KALRN: variants seen among roughly 807,000 people sequenced by gnomAD.
KALRN encodes kalirin RhoGEF kinase, also known as kalirin.
Under a neutral mutation model 353.7 loss-of-function variants are expected in KALRN, and 70 were observed. The observed-to-expected ratio is 0.20, with a 90% CI of 0.16 to 0.24. KALRN has a LOEUF of 0.24. KALRN is among the 10% of genes least tolerant of loss of function. The probability of loss-of-function intolerance (pLI) is 1.00; values close to 1 mark genes in which losing one functional copy is unlikely to be tolerated. For synonymous variants in KALRN, 1,391 were observed against 1,434.8 expected (o/e 0.97, Z 0.69); for missense variants, 2,791 against 3,756.7 (o/e 0.74, Z 6.72).
intron 1 of KALRN, among the ~76,000 whole-genome samples, chr3:124,105,836 G>C (rs1017381532): frequency 6.6e-6 from 1 of 152,184 alleles, no homozygotes; most frequent in Non-Finnish European, 1.5e-5. Context: ...TGATGATTTT[G>C]TTCAAGGAGG....
chr3:124,361,004 A>G (rs1363640838), intron 10 of KALRN, among the ~76,000 whole-genome samples: 2 of 152,262 alleles, frequency 1.3e-5, no homozygotes, highest in Admixed American at 1.3e-4. Context: ...GATAATAACT[A>G]TCATTTATTG....
At chr3:124,623,427 C>CACA (rs139583497) in intron 34 of KALRN, among the ~76,000 whole-genome samples, 9 of 147,016 alleles carry the variant, frequency 6.1e-5, no homozygotes, top group Non-Finnish European at 1.2e-4. Flanking sequence ...CACACACACA[C>CACA]AAAAGGGAGT....
At chr3:124,329,775 C>T (rs1227604415) in intron 7 of KALRN, 86 bp from the exon 8 acceptor site, 3 of 1,467,844 alleles carry the variant, frequency 2.0e-6, no homozygotes, top group East Asian at 2.3e-5. Flanking sequence ...ATGTTTCTTC[C>T]CAAGGTATCT....
intron 47 of KALRN, among the ~76,000 whole-genome samples, chr3:124,669,202 C>T (rs1321628784): frequency 1.3e-5 from 2 of 152,180 alleles, no homozygotes; most frequent in African/African-American, 4.8e-5. Context: ...CTTGAATCCA[C>T]AGCTATAGGA....
intron 27 of KALRN, among the ~76,000 whole-genome samples, chr3:124,479,716 A>ATTT (rs142639039): frequency 3.5e-5 from 3 of 86,798 alleles, no homozygotes; most frequent in African/African-American, 8.4e-5. Context: ...ACGATCCAGA[A>ATTT]TTTTTTTTTT....
chr3:124,485,743 G>C (rs1215328272), intron 28 of KALRN, among the ~76,000 whole-genome samples: 1 of 152,136 alleles, frequency 6.6e-6, no homozygotes, highest in Admixed American at 6.6e-5. Flanking sequence ...GCCCAGTCGT[G>C]GTGGCGTGCA....
chr3:124,713,241 T>C (rs1579077504), intron 58 of KALRN, 106 bp downstream of exon 58: 3 of 912,028 alleles, frequency 3.3e-6, no homozygotes, highest in Non-Finnish European at 5.0e-6. Context: ...GTCCTATCAT[T>C]TGCAAAGTGC....
At chr3:124,576,312 C>T (rs1436038923) in intron 34 of KALRN, among the ~76,000 whole-genome samples, 1 of 152,056 alleles carries the variant, frequency 6.6e-6, no homozygotes, top group Non-Finnish European at 1.5e-5. Flanking sequence ...GCCCTATCCC[C>T]AGCATCTAAA....
intron 6 of KALRN, among the ~76,000 whole-genome samples, chr3:124,321,236 T>C (rs557247592): frequency 1.3e-5 from 2 of 152,320 alleles, no homozygotes; most frequent in South Asian, 2.1e-4. Context: ...CACCTCAGCT[T>C]TTAGGAGTGA....
At chr3:124,695,320 A>T (rs1028581948) in intron 53 of KALRN, among the ~76,000 whole-genome samples, 1 of 152,232 alleles carries the variant, frequency 6.6e-6, no homozygotes, top group African/African-American at 2.4e-5. Context: ...GATGCTTGAG[A>T]AACATTAGTG....
intron 1 of KALRN, among the ~76,000 whole-genome samples, chr3:124,140,232 C>T (rs2149781165): frequency 6.6e-6 from 1 of 152,314 alleles, no homozygotes; most frequent in Non-Finnish European, 1.5e-5. Flanking sequence ...CTCCCCCAGG[C>T]ATCTGATAAA....
chr3:124,120,608 A>T (rs1419417501), intron 1 of KALRN, among the ~76,000 whole-genome samples: 1 of 151,760 alleles, frequency 6.6e-6, no homozygotes, highest in Non-Finnish European at 1.5e-5. Context: ...ACTGAGAATG[A>T]GCCATGTGCC....
At chr3:124,672,810 G>C (rs992989881) in intron 48 of KALRN, among the ~76,000 whole-genome samples, 3 of 152,144 alleles carry the variant, frequency 2.0e-5, no homozygotes, top group Admixed American at 2.0e-4. Context: ...AACCTTAGCC[G>C]AGTTAGTTAA....
chr3:124,711,208 G>A (rs561449438), intron 57 of KALRN, among the ~76,000 whole-genome samples: 46 of 151,976 alleles, frequency 3.0e-4, no homozygotes, highest in Non-Finnish European at 5.4e-4. Flanking sequence ...TTTTTAAAGC[G>A]AAAGGATCTC....
At chr3:124,280,640 A>G (rs1267446452) in intron 5 of KALRN, among the ~76,000 whole-genome samples, 1 of 152,140 alleles carries the variant, frequency 6.6e-6, no homozygotes, top group Non-Finnish European at 1.5e-5. Flanking sequence ...TAGGTGCACT[A>G]GTTTTTGTAG....
chr3:124,190,052 A>T (rs1340040758), intron 1 of KALRN, among the ~76,000 whole-genome samples: 1 of 152,156 alleles, frequency 6.6e-6, no homozygotes, highest in Non-Finnish European at 1.5e-5. Flanking sequence ...CATTTTCTGT[A>T]TATAGGCACT....
At chr3:124,273,626 T>C (rs2074393032) in intron 5 of KALRN, among the ~76,000 whole-genome samples, 1 of 152,228 alleles carries the variant, frequency 6.6e-6, no homozygotes, top group Non-Finnish European at 1.5e-5. Context: ...CTCTTACTTA[T>C]TAAATGCTTT....
At chr3:124,402,701 T>C (rs1470818999) in intron 13 of KALRN, among the ~76,000 whole-genome samples, 1 of 152,220 alleles carries the variant, frequency 6.6e-6, no homozygotes, top group Non-Finnish European at 1.5e-5. Context: ...ATTTTTAAGT[T>C]ATAAAAACGT....
At chr3:124,268,659 A>G in intron 4 of KALRN, 84 bp from the exon 5 acceptor site, 2 of 1,406,092 alleles carry the variant, frequency 1.4e-6, no homozygotes, top group South Asian at 1.3e-5. Context: ...ATGTGGATTT[A>G]TCTTGTCCTT....
Sources: allele counts gnomAD v4.1 joint callset (sites outside exome capture counted in the v4.1 genomes callset), GRCh38; gene constraint gnomAD v4.1.1; transcripts MANE v1.5; gene names NCBI Gene and HGNC (gene_info 2026-07-23, HGNC 2026-07-21).